The following NCOR2 variants were observed in gnomAD, a reference collection of about 807,000 sequenced individuals.
NCOR2 encodes CTG repeat protein 26.
Under a neutral mutation model 262.9 loss-of-function variants are expected in NCOR2, and 81 were observed. The observed-to-expected ratio is 0.31, with a 90% CI of 0.26 to 0.37. The LOEUF (loss-of-function observed/expected upper bound fraction) is 0.37. Among genes scored for constraint, NCOR2 ranks in the 10% least tolerant of loss-of-function variants. The probability of loss-of-function intolerance (pLI) is 1.00; values close to 1 mark genes in which losing one functional copy is unlikely to be tolerated. For missense variants in NCOR2, 3,385 were observed against 3,621.4 expected, an observed-to-expected ratio of 0.93 and a Z score of 1.68; for synonymous variants, 1,659 against 1,559.3, an observed-to-expected ratio of 1.06 and a Z score of -1.51.
At chr12:124,455,220 G>GA (rs2045776759) in intron 6 of NCOR2, among the ~76,000 whole-genome samples, 1 of 152,370 alleles carries the variant, frequency 6.6e-6, no homozygotes, top group Admixed American at 6.5e-5. Flanking sequence ...CACTTTGAGT[G>GA]AATGGCATGC....
intron 1 of NCOR2, 39 bp downstream of exon 1, chr12:124,567,269 T>A (rs2052279521): frequency 1.3e-5 from 2 of 151,306 alleles, no homozygotes; most frequent in South Asian, 4.2e-4. Context: ...GCTCCGCGCC[T>A]CCCCCCGCCC....
intron 1 of NCOR2, among the ~76,000 whole-genome samples, chr12:124,506,839 C>T (rs2049067568): frequency 6.6e-6 from 1 of 152,166 alleles, no homozygotes; most frequent in African/African-American, 2.4e-5. Flanking sequence ...ACCACTTAAC[C>T]CCGTGCCCCT....
intron 7 of NCOR2, among the ~76,000 whole-genome samples, chr12:124,441,373 G>A (rs1314272340): frequency 2.0e-5 from 3 of 152,118 alleles, no homozygotes; most frequent in East Asian, 1.9e-4. Context: ...CTAGATTAGC[G>A]TCCCAGGAAT....
chr12:124,532,337 C>A (rs2050846033), intron 1 of NCOR2, among the ~76,000 whole-genome samples: 1 of 151,262 alleles, frequency 6.6e-6, no homozygotes, highest in African/African-American at 2.5e-5. Flanking sequence ...TGTGGTGGGG[C>A]AGGGCATCCG....
intron 16 of NCOR2, among the ~76,000 whole-genome samples, chr12:124,396,841 G>A (rs1271598241): frequency 6.6e-6 from 1 of 152,190 alleles, no homozygotes; most frequent in African/African-American, 2.4e-5. Flanking sequence ...GATCCAGGCT[G>A]TTCTCAGATA....
chr12:124,356,526 G>A, intron 23 of NCOR2, 116 bp downstream of exon 25: 1 of 954,786 alleles, frequency 1.0e-6, no homozygotes. Flanking sequence ...TGTTCCTCCA[G>A]CCAGGTCCCA....
intron 13 of NCOR2, among the ~76,000 whole-genome samples, chr12:124,413,999 G>C (rs1254876963): frequency 1.3e-5 from 2 of 150,968 alleles, no homozygotes; most frequent in Admixed American, 6.6e-5. Context: ...GGCTCACCTG[G>C]GGTCCCCGCA....
At chr12:124,516,740 C>T (rs562707185) in intron 1 of NCOR2, among the ~76,000 whole-genome samples, 13 of 150,770 alleles carry the variant, frequency 8.6e-5, no homozygotes, top group South Asian at 2.1e-4. Flanking sequence ...AACCTCAGTC[C>T]GGCCACTACA....
intron 1 of NCOR2, among the ~76,000 whole-genome samples, chr12:124,508,454 G>T (rs2049176848): frequency 6.6e-6 from 1 of 152,190 alleles, no homozygotes; most frequent in South Asian, 2.1e-4. Flanking sequence ...ACCCGAAGAA[G>T]GGCAGGGACA....
At chr12:124,562,502 A>G (rs1362640358) in intron 1 of NCOR2, among the ~76,000 whole-genome samples, 4 of 152,168 alleles carry the variant, frequency 2.6e-5, no homozygotes, top group Admixed American at 1.3e-4. Flanking sequence ...GCCCTCCCCC[A>G]GGGGGCCTCC....
At chr12:124,486,474 G>T (rs1565987585) in exon 2 of NCOR2, 2 of 1,612,360 alleles carry the variant, frequency 1.2e-6, no homozygotes, top group Non-Finnish European at 8.5e-7. Context: ...AGACAGCAGG[G>T]AGGGCCTCCG....
intron 1 of NCOR2, among the ~76,000 whole-genome samples, chr12:124,526,981 A>T (rs1365965877): frequency 6.6e-6 from 1 of 152,214 alleles, no homozygotes; most frequent in Non-Finnish European, 1.5e-5. Context: ...TGAAAGAGAA[A>T]GAGAAGATCT....
At chr12:124,385,497 G>A (rs917165223) in intron 17 of NCOR2, among the ~76,000 whole-genome samples, 4 of 152,212 alleles carry the variant, frequency 2.6e-5, no homozygotes, top group African/African-American at 9.6e-5. Context: ...GGAGTGGGGT[G>A]CAGGGTGGGG....
At chr12:124,330,710 G>A (rs1024670865) in intron 44 of NCOR2, 135 bp downstream of exon 46, 11 of 931,152 alleles carry the variant, frequency 1.2e-5, no homozygotes, top group African/African-American at 1.6e-5. Flanking sequence ...CCTACTGTGC[G>A]GTTAGTTCAT....
At chr12:124,524,896 A>G (rs1046518348) in intron 1 of NCOR2, among the ~76,000 whole-genome samples, 3 of 152,246 alleles carry the variant, frequency 2.0e-5, no homozygotes, top group Admixed American at 2.0e-4. Context: ...ACTCGAAGGC[A>G]CAGGCAATGT....
chr12:124,375,896 G>A (rs1247762777), intron 18 of NCOR2, among the ~76,000 whole-genome samples: 1 of 152,200 alleles, frequency 6.6e-6, no homozygotes, highest in Non-Finnish European at 1.5e-5. Flanking sequence ...GGGGCCTGCA[G>A]TGCCGCTGGG....
At chr12:124,556,453 C>G (rs1163160142) in intron 1 of NCOR2, 1 of 152,304 alleles carries the variant, frequency 6.6e-6, no homozygotes, top group Admixed American at 6.5e-5. Context: ...CGTCCATTCT[C>G]GCAGGGATGA....
chr12:124,353,892 AG>A (rs2037726110), intron 27 of NCOR2, among the ~76,000 whole-genome samples, 200 bp downstream of exon 29: 1 of 152,228 alleles, frequency 6.6e-6, no homozygotes, highest in African/African-American at 2.4e-5. Flanking sequence ...AGCTCCCTGA[AG>A]GCAGAGTTTT....
chr12:124,399,664 G>A (rs1485951103), intron 15 of NCOR2, among the ~76,000 whole-genome samples: 2 of 152,184 alleles, frequency 1.3e-5, no homozygotes, highest in Non-Finnish European at 2.9e-5. Flanking sequence ...AGGGGACGGT[G>A]GGGGTCTGTG....
Sources: gnomAD v4.1 joint callset for allele counts (sites outside exome capture counted in the v4.1 genomes callset) on GRCh38, gnomAD v4.1.1 for gene constraint, MANE v1.5 for transcripts, NCBI Gene and HGNC (gene_info 2026-07-23, HGNC 2026-07-21) for gene names.